Variants in RP1L1 observed in about 807,000 individuals in gnomAD.
The protein encoded by RP1L1 is RP1 like 1.
RP1L1 carries 27 observed loss-of-function variants against 15.7 expected under a neutral mutation model. The observed-to-expected ratio is 1.72, with a 90% CI of 1.27 to 2.38. The LOEUF (loss-of-function observed/expected upper bound fraction) is 2.38. RP1L1 is among the 30% of genes most tolerant of loss of function. The pLI, the probability that RP1L1 is intolerant of heterozygous loss-of-function variation, is 0.00. For missense variants in RP1L1, 4,798 were observed against 3,075.9 expected (o/e 1.56, Z -13.24); for synonymous variants, 1,813 against 1,276.7 (o/e 1.42, Z -8.96).
chr8:10,608,887 C>A lies in RP1L1; in HGVS notation c.5211G>T (p.Gly1737=), dbSNP rs201594207. The A allele has an allele frequency of 1.5e-5, 24 of 1,614,018 alleles. No homozygotes were observed. The East Asian group carries it at 3.3e-4, about 22-fold the overall frequency. ...EGGLGPGLSQ[G]PGVDEGEDGE... ...CATCCTCACCCTCGTCCACTCCAGG[C>A]CCCTGGCTCAGCCCCGGCCCCAGCC... Residue 1737 remains glycine, a synonymous_variant, in exon 4 of 4, where the codon GGG becomes GGT. Transcript: ENST00000382483.
Position 10,610,053 on chromosome 8 carries a change from G to A in RP1L1, c.4045C>T (p.Gln1349Ter). 6 of 1,263,466 alleles carry A rather than the reference G, an allele frequency of 4.7e-6. No homozygotes were observed. Among genetic ancestry groups the A allele is most frequent in the Non-Finnish European group, 5.0e-6 (5 of 991,360 alleles). The allele number at this position is 1,263,466 out of a possible 1,614,324, so 78.3% of individuals were successfully genotyped here. A position where few individuals can be genotyped will look rare whatever the true frequency, so the allele number is the denominator to read the frequency against. ...TCTAACTGCGCCTCTTCTTCTTGCT[G>A]TCCTTCTCCTTCTGTTTCTTTAGTT... is the stretch of plus-strand genomic sequence containing the variant. ...EETKETEGEG[Q>*]QEEEAQLEEI... Residue 1349 changes from glutamine (Q) to a stop codon, truncating the protein, a stop_gained, in exon 4 of 4, where the codon CAG becomes TAG. Transcript: ENST00000382483. LOFTEE classifies it low-confidence loss of function (END_TRUNC).
At chr8:10,644,207 G>A (rs1243630315) in intron 1 of RP1L1, among the ~76,000 whole-genome samples, 1 of 151,846 alleles carries the variant, frequency 6.6e-6, no homozygotes, top group African/African-American at 2.4e-5. Flanking sequence ...TCAGTACTGG[G>A]GCCGAGTGAC....
At position 10,611,311 on chromosome 8, in the gene RP1L1, C is replaced by T. The variant is rs1478012491; in HGVS notation, c.2787G>A (p.Arg929=). The T allele has an allele frequency of 6.2e-7, 1 of 1,613,002 alleles. No individual in the cohort carries two copies. ...SRGLSEEKTL[R]SGGGPQGQEE... ...CCTGCCCCTGGGGGCCTCCCCCACTCCTCAAGGTCTTCTCCTCGGACAGCC... is the reference window on the plus strand; with the variant it reads ...CCTGCCCCTGGGGGCCTCCCCCACTTCTCAAGGTCTTCTCCTCGGACAGCC... Residue 929 remains arginine (R), a synonymous_variant, in exon 4 of 4, where the codon AGG becomes AGA. Transcript: ENST00000382483.
intron 1 of RP1L1, among the ~76,000 whole-genome samples, chr8:10,637,123 G>A (rs1798341266): frequency 6.6e-6 from 1 of 152,210 alleles, no homozygotes; most frequent in African/African-American, 2.4e-5. Context: ...CAGGGCCATA[G>A]AGCAGGCAAG....
intron 1 of RP1L1, among the ~76,000 whole-genome samples, chr8:10,631,950 C>A (rs770241416): frequency 6.6e-6 from 1 of 152,222 alleles, no homozygotes; most frequent in African/African-American, 2.4e-5. Context: ...CTTTCTCTGA[C>A]ACTTGCGGTG....
At chr8:10,646,867 A>G (rs1478686992) in intron 1 of RP1L1, among the ~76,000 whole-genome samples, 1 of 152,258 alleles carries the variant, frequency 6.6e-6, no homozygotes, top group Admixed American at 6.5e-5. Flanking sequence ...TGGGTATTAA[A>G]GGCCTATTGT....
At position 10,611,281 on chromosome 8, in the gene RP1L1, C is replaced by T. The variant is rs1414219477; in HGVS notation, c.2817G>A (p.Glu939=). 1.8e-5 allele frequency: 29 copies of T among 1,612,910 alleles called. No individual in the cohort carries two copies. In the Admixed American group the frequency reaches 4.0e-4, roughly 22 times the overall value. ...RSGGGPQGQE[E]ASGVSPSSLP... ...GAGAGCTGGGTGACACACCACTGGC[C>T]TCCTCCTGCCCCTGGGGGCCTCCCC... Residue 939 remains glutamate, a synonymous_variant, in exon 4 of 4, where the codon GAG becomes GAA. Coordinates refer to ENST00000382483, the MANE Select transcript of RP1L1 (RefSeq NM_178857.6).
intron 1 of RP1L1, among the ~76,000 whole-genome samples, chr8:10,627,904 C>T (rs1007930657): frequency 6.6e-6 from 1 of 152,170 alleles, no homozygotes; most frequent in East Asian, 1.9e-4. Flanking sequence ...GATGAACAGG[C>T]ACAAAGCAAT....
chr8:10,631,275 G>A (rs201764085), intron 1 of RP1L1, among the ~76,000 whole-genome samples: 53 of 133,310 alleles, frequency 4.0e-4, no homozygotes, highest in South Asian at 1.5e-3. Context: ...ACACAAACAC[G>A]CATGCACACA....
rs777946442 is a variant in RP1L1, at chr8:10,623,108, G to C, written c.94C>G (p.Pro32Ala). 6.2e-7 allele frequency: 1 copy of C among 1,613,542 alleles called. No homozygotes were observed. Among genetic ancestry groups the C allele is most frequent in the Non-Finnish European group, 8.5e-7 (1 of 1,179,738 alleles). Residue 32 changes from proline (P) to alanine (A), a missense_variant, in exon 2 of 4, where the codon CCA becomes GCA. Physicochemically the swap from Pro to Ala is conservative, Grantham distance 27. Coordinates refer to ENST00000382483, the MANE Select transcript of RP1L1 (RefSeq NM_178857.6). ...TTGAGGAAGGTGATCTTCTTGGCTG[G>C]CGTGACCTTGGTGACCGAGGGGGTG... Reference protein sequence around the residue: ...ARTPSVTKVTPAKKITFLKRG... With the variant: ...ARTPSVTKVTAAKKITFLKRG...
chr8:10,627,471 G>C (rs973806468), intron 1 of RP1L1, among the ~76,000 whole-genome samples: 36 of 152,160 alleles, frequency 2.4e-4, no homozygotes, highest in African/African-American at 8.7e-4. Flanking sequence ...GGGGACATCA[G>C]GGCTGGGAGG....
At chr8:10,644,592 C>T (rs1385992136) in intron 1 of RP1L1, among the ~76,000 whole-genome samples, 2 of 152,210 alleles carry the variant, frequency 1.3e-5, no homozygotes, top group African/African-American at 2.4e-5. Flanking sequence ...CTAATTCATT[C>T]ACCTCCCTGG....
chr8:10,610,897 G>T lies in RP1L1; in HGVS notation c.3201C>A (p.Gly1067=). The T allele has an allele frequency of 6.2e-7, 1 of 1,610,474 alleles. No individual in the cohort carries two copies. Among genetic ancestry groups the T allele is most frequent in the Non-Finnish European group, 8.5e-7 (1 of 1,178,796 alleles). Residue 1067 remains glycine (G), a synonymous_variant, in exon 4 of 4, where the codon GGC becomes GGA. Transcript: ENST00000382483. ...EAGADREAPA[G]CRVSLRALPG... ...GAAGTGCCCGCAGGCTCACCCTGCA[G>T]CCTGCTGGGGCCTCTCTGTCTGCTC...
intron 1 of RP1L1, among the ~76,000 whole-genome samples, chr8:10,638,942 C>T (rs913655648): frequency 6.6e-5 from 10 of 151,966 alleles, no homozygotes; most frequent in African/African-American, 9.7e-5. Context: ...GCCATGAGTT[C>T]GAGACCAGCC....
chr8:10,647,607 T>C (rs1350661878), intron 1 of RP1L1, among the ~76,000 whole-genome samples: 1 of 152,252 alleles, frequency 6.6e-6, no homozygotes, highest in South Asian at 2.1e-4. Flanking sequence ...CTTTCGTGAC[T>C]GGCTTATTTC....
intron 1 of RP1L1, among the ~76,000 whole-genome samples, chr8:10,650,101 C>T (rs1410553973): frequency 6.6e-6 from 1 of 152,222 alleles, no homozygotes; most frequent in African/African-American, 2.4e-5. Context: ...ATTTGAGACT[C>T]ATCTCTTCTT....
chr8:10,633,226 G>A (rs1278968707), intron 1 of RP1L1, among the ~76,000 whole-genome samples: 1 of 152,148 alleles, frequency 6.6e-6, no homozygotes, highest in Non-Finnish European at 1.5e-5. Flanking sequence ...GCCTCACAAA[G>A]CCGCAGCCAG....
chr8:10,608,878 C>T lies in RP1L1; in HGVS notation c.5220G>A (p.Val1740=), dbSNP rs1433439410. The T allele has an allele frequency of 1.9e-6, 3 of 1,614,020 alleles. No individual in the cohort carries two copies. Among genetic ancestry groups the T allele is most frequent in the South Asian group, 1.1e-5 (1 of 91,082 alleles). ...TCCCCTCGCCATCCTCACCCTCGTC[C>T]ACTCCAGGCCCCTGGCTCAGCCCCG... ...LGPGLSQGPG[V]DEGEDGEGSQ... is the part of the protein sequence containing the mutation. Residue 1740 remains valine (V), a synonymous_variant, in exon 4 of 4, where the codon GTG becomes GTA. Coordinates refer to ENST00000382483, the MANE Select transcript of RP1L1 (RefSeq NM_178857.6).
intron 3 of RP1L1, among the ~76,000 whole-genome samples, chr8:10,613,754 C>T (rs80195961): frequency 1.3e-5 from 2 of 151,730 alleles, no homozygotes; most frequent in African/African-American, 2.4e-5. Context: ...TGCACCACTG[C>T]GCTCCAGCCT....
Sources: allele counts gnomAD v4.1 joint callset (sites outside exome capture counted in the v4.1 genomes callset), GRCh38; gene constraint gnomAD v4.1.1; transcripts MANE v1.5; gene names NCBI Gene and HGNC (gene_info 2026-07-23, HGNC 2026-07-21).